CA5B: variants seen among roughly 807,000 people sequenced by gnomAD.
CA5B encodes the protein carbonic anhydrase 5B, mitochondrial.
CA5B carries 15 observed loss-of-function variants against 23.1 expected under a neutral mutation model. That is an observed-to-expected ratio of 0.65 (90% CI 0.43 to 1.00). The LOEUF is 1.00. Among genes scored for constraint, CA5B ranks in the 50% least tolerant of loss-of-function variants. The pLI, the probability that CA5B is intolerant of heterozygous loss-of-function variation, is 0.00. For missense variants in CA5B, 236 were observed against 252.2 expected, an observed-to-expected ratio of 0.94 and a Z score of 0.43; for synonymous variants, 84 against 98.5, an observed-to-expected ratio of 0.85 and a Z score of 0.87.
At chrX:15,750,408 A>G (rs1931333549) in intron 2 of CA5B, 1 of 284,479 alleles carries the variant, frequency 3.5e-6, no homozygotes, top group Non-Finnish European at 6.2e-6. Context: ...GATTCATGAA[A>G]GTAAATGTAG....
chrX:15,752,597 C>A (rs533448612), intron 2 of CA5B, among the ~76,000 whole-genome samples: 2 of 110,821 alleles, frequency 1.8e-5, no homozygotes, highest in African/African-American at 3.3e-5. Flanking sequence ...TGGTGGTGGG[C>A]GCCTGCAGTC....
intron 2 of CA5B, among the ~76,000 whole-genome samples, chrX:15,759,736 T>TA (rs1931563260): frequency 4.3e-4 from 1 of 2,314 alleles, no homozygotes; most frequent in Non-Finnish European, 2.4e-3. Context: ...ACTGACACCT[T>TA]TTTTTTTTTT....
chrX:15,769,481 C>A, intron 3 of CA5B: 1 of 753,338 alleles, frequency 1.3e-6, no homozygotes, highest in Non-Finnish European at 1.6e-6. Context: ...CTCTTATTGG[C>A]ACTGTCAACA....
intron 1 of CA5B, among the ~76,000 whole-genome samples, chrX:15,739,710 G>A (rs1931079655): frequency 8.9e-6 from 1 of 112,003 alleles, no homozygotes; most frequent in African/African-American, 3.2e-5. Flanking sequence ...ATTAATTGCA[G>A]CACAAAGAGC....
rs1299062308 is a variant in CA5B, at chrX:15,787,047, G to A, written c.*4383G>A. ...GGCTCCATTGTGAGCCAGTCCCCCA[G>A]GGCTCAAGAAAGCTGCCCAGGGCGG... On this transcript the variant is annotated 3_prime_UTR_variant, in exon 8 of 8. Transcript: ENST00000318636. 8.9e-6 allele frequency: 1 copy of A among 111,975 alleles called. No homozygotes were observed. The highest frequency in any genetic ancestry group is 3.2e-5 in the African/African-American group (1 of 30,776). 9.2% of individuals were successfully genotyped at this position (111,975 alleles called of 1,213,427 possible).
chrX:15,775,905 C>A, intron 6 of CA5B: 1 of 748,914 alleles, frequency 1.3e-6, no homozygotes, highest in African/African-American at 2.4e-5. Flanking sequence ...CCACTCTGAC[C>A]TTCTGGTCCC....
At position 15,787,565 on chromosome X, in the gene CA5B, C is replaced by A. The variant is rs1932138903; in HGVS notation, c.*4901C>A. 8.9e-6 allele frequency: 1 copy of A among 112,491 alleles called. No individual in the cohort carries two copies. Among genetic ancestry groups the A allele is most frequent in the Non-Finnish European group, 1.9e-5 (1 of 53,335 alleles). The allele number at this position is 112,491 out of a possible 1,213,427, so 9.3% of individuals were successfully genotyped here. On this transcript the variant is annotated 3_prime_UTR_variant, in exon 8 of 8. Coordinates refer to ENST00000318636, the MANE Select transcript of CA5B (RefSeq NM_007220.4). ...CCTGTAATGAAATTAACAAGCAATT[C>A]AGGCCTATTTCTGAAAATGAATTCA...
chrX:15,778,917 G>A (rs1931975824), intron 7 of CA5B, among the ~76,000 whole-genome samples: 1 of 110,177 alleles, frequency 9.1e-6, no homozygotes, highest in African/African-American at 3.3e-5. Flanking sequence ...AGGGACACAG[G>A]GCCAAACCAC....
At position 15,782,563 on chromosome X, in the gene CA5B, C is replaced by T; in HGVS notation, c.853C>T (p.Gln285Ter). ...KRMVDNFRPL[Q>*]PLMNRTVRSS... ...AATGGTGGACAACTTCCGCCCCCTT[C>T]AGCCACTGATGAATCGCACTGTTCG... The change falls in exon 8 of 8, where the codon CAG becomes TAG. Residue 285 changes from glutamine (Q) to a stop codon, truncating the protein, a stop_gained. Transcript: ENST00000318636. LOFTEE classifies it high-confidence loss of function. 8.3e-7 allele frequency: 1 copy of T among 1,210,278 alleles called. No individual in the cohort carries two copies. The highest frequency in any genetic ancestry group is 1.8e-5 in the South Asian group (1 of 56,950).
At chrX:15,776,060 C>T (rs113179526) in intron 6 of CA5B, 6 of 741,911 alleles carry the variant, frequency 8.1e-6, no homozygotes, top group East Asian at 1.5e-4. Context: ...AGCCTCCAAC[C>T]GGGCGCAGTG....
At chrX:15,781,979 T>A (rs1932032709) in intron 7 of CA5B, among the ~76,000 whole-genome samples, 1 of 111,542 alleles carries the variant, frequency 9.0e-6, no homozygotes, top group Non-Finnish European at 1.9e-5. Context: ...TTATATTCAT[T>A]GCTTTGCCCA....
At chrX:15,773,982 G>A (rs1931871445) in intron 4 of CA5B, among the ~76,000 whole-genome samples, 1 of 112,375 alleles carries the variant, frequency 8.9e-6, no homozygotes. Flanking sequence ...AGTGGATTTC[G>A]AATATTGGTA....
At chrX:15,760,603 G>A (rs1931585230) in intron 2 of CA5B, among the ~76,000 whole-genome samples, 1 of 111,585 alleles carries the variant, frequency 9.0e-6, no homozygotes, top group Non-Finnish European at 1.9e-5. Context: ...AAAAATTAAG[G>A]ATGACCAAGG....
rs145051570 is a variant in CA5B, at chrX:15,783,124, G to T, written c.*460G>T. On this transcript the variant is annotated 3_prime_UTR_variant, in exon 8 of 8. Coordinates refer to ENST00000318636, the MANE Select transcript of CA5B (RefSeq NM_007220.4). ...AGTGGTTCTATAGCACTATACATAGGGATTATAATCAAAATTTTTAACATG... is the reference window on the plus strand; with the variant it reads ...AGTGGTTCTATAGCACTATACATAGTGATTATAATCAAAATTTTTAACATG... 8.8e-6 allele frequency: 1 copy of T among 114,249 alleles called. No individual in the cohort carries two copies. Among genetic ancestry groups the T allele is most frequent in the African/African-American group, 3.2e-5 (1 of 30,967 alleles). 9.4% of individuals were successfully genotyped at this position (114,249 alleles called of 1,213,427 possible).
intron 1 of CA5B, 81 bp downstream of exon 1, chrX:15,738,433 C>T (rs1381945317): frequency 9.0e-6 from 1 of 111,357 alleles, no homozygotes; most frequent in Admixed American, 9.5e-5. Flanking sequence ...TCCCACGACT[C>T]TCCGCTCTGG....
At chrX:15,738,458 G>T (rs1042286256) in intron 1 of CA5B, 106 bp downstream of exon 1, 3 of 111,398 alleles carry the variant, frequency 2.7e-5, no homozygotes, top group African/African-American at 9.8e-5. Context: ...CCGGGTTCCG[G>T]AGCTAGGAGA....
At chrX:15,779,930 T>A (rs189509732) in intron 7 of CA5B, among the ~76,000 whole-genome samples, 2 of 112,151 alleles carry the variant, frequency 1.8e-5, no homozygotes, top group East Asian at 5.5e-4. Flanking sequence ...GTAAATACGA[T>A]TTCAACAAAA....
chrX:15,752,716 C>T (rs1170374245), intron 2 of CA5B, among the ~76,000 whole-genome samples: 1 of 91,914 alleles, frequency 1.1e-5, no homozygotes, highest in Non-Finnish European at 2.2e-5. Flanking sequence ...CAGAGCGAGA[C>T]TCTGTCTCAA....
chrX:15,757,601 G>A (rs779038534), intron 2 of CA5B, among the ~76,000 whole-genome samples: 5 of 110,069 alleles, frequency 4.5e-5, no homozygotes, highest in Non-Finnish European at 9.5e-5. Context: ...CCAGCTACTC[G>A]GGAGGCTGAC....
Sources: gnomAD v4.1 joint callset for allele counts (sites outside exome capture counted in the v4.1 genomes callset) on GRCh38, gnomAD v4.1.1 for gene constraint, MANE v1.5 for transcripts, NCBI Gene and HGNC (gene_info 2026-07-23, HGNC 2026-07-21) for gene names.